Variants in RANBP17 observed in about 807,000 individuals in gnomAD.
RANBP17 encodes the protein ran-binding protein 17.
Under a neutral mutation model 141.2 loss-of-function variants are expected in RANBP17, and 158 were observed. That is an observed-to-expected ratio of 1.12 (90% confidence interval 0.98 to 1.28). RANBP17 has a LOEUF of 1.28. Among genes scored for constraint, RANBP17 ranks in the 50% most tolerant of loss-of-function variants. RANBP17 has a pLI of 0.00. For synonymous variants in RANBP17, 430 were observed against 450.0 expected (o/e 0.96, Z 0.56); for missense variants, 1,438 against 1,290.7 (o/e 1.11, Z -1.75).
intron 14 of RANBP17, among the ~76,000 whole-genome samples, chr5:171,104,327 G>A (rs768550159): frequency 3.3e-5 from 5 of 152,256 alleles, no homozygotes; most frequent in South Asian, 2.1e-4. Context: ...GTGAGCCACC[G>A]CGCCTGGCCT....
chr5:171,231,422 G>C (rs114127056), intron 22 of RANBP17, among the ~76,000 whole-genome samples: 2 of 151,916 alleles, frequency 1.3e-5, no homozygotes, highest in Non-Finnish European at 2.9e-5. Flanking sequence ...GTACTGTTTT[G>C]TACCAAATAC....
In RANBP17 at chr5:170,884,205, C is replaced by T. The variant is rs142612974; in HGVS notation, c.256+2309C>T. Among the ~76,000 whole-genome samples the T allele has an allele frequency of 2.8e-3, 431 of 152,238 alleles. 1 individual carries two copies. The highest frequency in any genetic ancestry group is 0.017 in the Middle Eastern group (5 of 294). On this transcript the variant is annotated intron_variant, in intron 3 of 27. Coordinates refer to ENST00000523189, the MANE Select transcript of RANBP17 (RefSeq NM_022897.5). ...TTCCCTGAGAACATATGATATACAGCACCTTTTTATGTGCTTATTTGACCT... is the reference window on the plus strand; with the variant it reads ...TTCCCTGAGAACATATGATATACAGTACCTTTTTATGTGCTTATTTGACCT...
At chr5:171,016,986 G>A (rs1378770530) in intron 14 of RANBP17, among the ~76,000 whole-genome samples, 4 of 137,042 alleles carry the variant, frequency 2.9e-5, no homozygotes, top group Admixed American at 1.7e-4. Flanking sequence ...TCCCACTTAC[G>A]TGTGAGAGCA....
intron 14 of RANBP17, among the ~76,000 whole-genome samples, chr5:171,082,684 G>A (rs1785330996): frequency 6.6e-6 from 1 of 152,036 alleles, no homozygotes; most frequent in African/African-American, 2.4e-5. Context: ...GCAAAATGAG[G>A]GTGATAGAAC....
intron 14 of RANBP17, among the ~76,000 whole-genome samples, chr5:171,058,732 G>A (rs1258796470): frequency 5.3e-5 from 8 of 150,836 alleles, no homozygotes; most frequent in East Asian, 1.9e-4. Flanking sequence ...CTGAGGAATC[G>A]CCACACTGAC....
chr5:170,988,441 C>T (rs1410998614), intron 14 of RANBP17, among the ~76,000 whole-genome samples: 1 of 150,524 alleles, frequency 6.6e-6, no homozygotes, highest in Non-Finnish European at 1.5e-5. Flanking sequence ...TGACTAAATA[C>T]CCAAATACCA....
At chr5:171,140,286 G>A (rs574775862) in intron 14 of RANBP17, among the ~76,000 whole-genome samples, 3 of 152,294 alleles carry the variant, frequency 2.0e-5, no homozygotes, top group African/African-American at 4.8e-5. Context: ...TAACTTCCAT[G>A]AGGATAGGGA....
chr5:171,118,400 G>A (rs1478429179), intron 14 of RANBP17, among the ~76,000 whole-genome samples: 1 of 151,900 alleles, frequency 6.6e-6, no homozygotes, highest in African/African-American at 2.4e-5. Flanking sequence ...GCTTCTATAC[G>A]ACTTTTAGGA....
chr5:171,248,348 C>A (rs1035067385), intron 24 of RANBP17, among the ~76,000 whole-genome samples: 1 of 136,546 alleles, frequency 7.3e-6, no homozygotes. Context: ...GCCTGGGCAA[C>A]AGAGCGAGAC....
intron 12 of RANBP17, among the ~76,000 whole-genome samples, chr5:170,947,187 TAATG>T (rs1382772864): frequency 6.6e-6 from 1 of 152,194 alleles, no homozygotes; most frequent in African/African-American, 2.4e-5. Flanking sequence ...TCATTATTAA[TAATG>T]GGTCTACATT....
chr5:171,217,270 G>A (rs1013454786), intron 21 of RANBP17, among the ~76,000 whole-genome samples: 1 of 152,106 alleles, frequency 6.6e-6, no homozygotes, highest in African/African-American at 2.4e-5. Context: ...CAACTTCATC[G>A]TAGTGGATAA....
At chr5:171,020,645 C>G (rs1189568741) in intron 14 of RANBP17, among the ~76,000 whole-genome samples, 1 of 151,468 alleles carries the variant, frequency 6.6e-6, no homozygotes. Flanking sequence ...TCCTCCATCC[C>G]TTTATCTTGA....
Position 171,234,250 on chromosome 5 carries a change from G to A in RANBP17, c.2423-6678G>A, listed in dbSNP as rs1764392958. Among the ~76,000 whole-genome samples the A allele has an allele frequency of 2.0e-5, 3 of 152,148 alleles. No individual in the cohort carries two copies. The South Asian group carries it at 6.2e-4, about 32-fold the overall frequency. On this transcript the variant is annotated intron_variant, in intron 22 of 27. Transcript: ENST00000523189. ...GAAACAGCAAGTGGTAGAGTCTTAA[G>A]GCGGGAGTGTATCTAGCTTGTCTGA...
chr5:171,054,710 G>A (rs1783223964), intron 14 of RANBP17, among the ~76,000 whole-genome samples: 2 of 152,078 alleles, frequency 1.3e-5, no homozygotes, highest in African/African-American at 4.8e-5. Flanking sequence ...CAGCCCAGTA[G>A]GCCTCAACCT....
intron 18 of RANBP17, among the ~76,000 whole-genome samples, chr5:171,195,813 G>A (rs1407794166): frequency 1.3e-5 from 2 of 152,176 alleles, no homozygotes; most frequent in East Asian, 3.9e-4. Context: ...CTGCTCACAT[G>A]TAAAATGAAG....
intron 5 of RANBP17, among the ~76,000 whole-genome samples, chr5:170,907,651 C>G (rs958825322): frequency 6.6e-6 from 1 of 151,784 alleles, no homozygotes; most frequent in Non-Finnish European, 1.5e-5. Flanking sequence ...TTAAAATCAT[C>G]CTTTATTTCA....
At chr5:171,096,124 G>C (rs1000202824) in intron 14 of RANBP17, among the ~76,000 whole-genome samples, 1 of 152,100 alleles carries the variant, frequency 6.6e-6, no homozygotes, top group Non-Finnish European at 1.5e-5. Flanking sequence ...GAAGTGGCAG[G>C]CACATTTGAT....
At chr5:171,078,991 T>A (rs2127705445) in intron 14 of RANBP17, among the ~76,000 whole-genome samples, 1 of 152,336 alleles carries the variant, frequency 6.6e-6, no homozygotes, top group South Asian at 2.1e-4. Flanking sequence ...GTGATTTCTC[T>A]GATGGATCTG....
chr5:170,994,726 C>T (rs1422026431), intron 14 of RANBP17, among the ~76,000 whole-genome samples: 2 of 152,014 alleles, frequency 1.3e-5, no homozygotes, highest in Non-Finnish European at 2.9e-5. Flanking sequence ...AGAAATCTGT[C>T]TATTAAGGTA....
Sources: gnomAD v4.1 joint callset for allele counts (sites outside exome capture counted in the v4.1 genomes callset) on GRCh38, gnomAD v4.1.1 for gene constraint, MANE v1.5 for transcripts, NCBI Gene and HGNC (gene_info 2026-07-23, HGNC 2026-07-21) for gene names.